Variants in PPP1R10 observed in about 807,000 individuals in gnomAD.
PPP1R10 encodes the protein serine/threonine-protein phosphatase 1 regulatory subunit 10.
In PPP1R10, 15 loss-of-function variants were observed where a neutral mutation model predicts 99.0. The ratio of observed to expected loss-of-function variants is 0.15; its 90% CI spans 0.10 to 0.23. The LOEUF is 0.23. Ranked by LOEUF, PPP1R10 falls within the 10% of genes least tolerant of loss-of-function variation. The pLI, the probability that PPP1R10 is intolerant of heterozygous loss-of-function variation, is 1.00. For missense variants in PPP1R10, 947 were observed against 1,259.4 expected, an observed-to-expected ratio of 0.75 and a Z score of 3.75; for synonymous variants, 430 against 449.5, an observed-to-expected ratio of 0.96 and a Z score of 0.55.
intron 2 of PPP1R10, among the ~76,000 whole-genome samples, chr6:30,616,051 C>G (rs1467111925): frequency 6.6e-6 from 1 of 152,190 alleles, no homozygotes; most frequent in Non-Finnish European, 1.5e-5. Flanking sequence ...GTCTCACACA[C>G]AAAGAAGTGG....
rs1339345345 is a variant in PPP1R10, at chr6:30,606,028, C to T, written c.748G>A (p.Ala250Thr). The T allele has an allele frequency of 6.2e-7, 1 of 1,614,028 alleles. No homozygotes were observed. The highest frequency in any genetic ancestry group is 8.5e-7 in the Non-Finnish European group (1 of 1,179,962). The part of the protein sequence containing the change: ...PIPLKRQSNV[A>T]APGDATPPAE... ...GGGGGAGTGGCATCTCCTGGAGCAG[C>T]TACGTTGCTGTCAGAAGAGGAACTG... is the stretch of plus-strand genomic sequence containing the variant. Residue 250 changes from alanine (A) to threonine (T), a missense_variant, in exon 10 of 20, where the codon GCT (alanine) becomes ACT (threonine). Ala to Thr is a moderately conservative substitution (Grantham distance 58, BLOSUM62 0). Transcript: ENST00000376511. The surrounding 1 kb of genome is among the most constrained non-coding windows in gnomAD (Gnocchi z 6.3).
Position 30,606,617 on chromosome 6 carries a change from T to C in PPP1R10, c.485A>G (p.Asp162Gly). 6.2e-7 allele frequency: 1 copy of C among 1,614,204 alleles called. No individual in the cohort carries two copies. Among genetic ancestry groups the C allele is most frequent in the Non-Finnish European group, 8.5e-7 (1 of 1,180,048 alleles). Residue 162 changes from aspartate to glycine, a missense_variant, in exon 8 of 20, where the codon GAT becomes GGT. By Grantham distance (94) the Asp-to-Gly change is moderately conservative. Around this residue, in one of 10 missense-constraint regions of PPP1R10, gnomAD observed 92 missense variants for 159.2 expected, o/e 0.58. Transcript: ENST00000376511. This position sits in a 1 kb window ranked among gnomAD's most constrained non-coding sequence, Gnocchi z 6.3. Reference protein sequence around the residue: ...PAEKDKKKRKDEGKSRTTLPE... With the variant: ...PAEKDKKKRKGEGKSRTTLPE... ...AAGGGTAGTTCGACTTTTTCCTTCA[T>C]CTTTACGTTTCTTCTTATCTTTCTC...
At chr6:30,617,029 T>C (rs1346862007) in intron 1 of PPP1R10, 31 bp from the exon 2 acceptor site, 3 of 152,230 alleles carry the variant, frequency 2.0e-5, no homozygotes, top group Non-Finnish European at 4.4e-5. Flanking sequence ...GGGAGAAAGA[T>C]GTAATCAGTA....
Position 30,604,212 on chromosome 6 carries a change from C to T in PPP1R10, c.1304G>A (p.Arg435Gln). 2 of 1,614,150 alleles carry T rather than the reference C, an allele frequency of 1.2e-6. No individual in the cohort carries two copies. The highest frequency in any genetic ancestry group is 1.7e-6 in the Non-Finnish European group (2 of 1,180,034). ...KIKDFGEAAK[R>Q]EILSDRHAFE... ...TGCATGTCGGTCTGACAGTATCTCTCGCTTAGCCGCCTCACCAAAGTCCTT... is the reference window on the plus strand; with the variant it reads ...TGCATGTCGGTCTGACAGTATCTCTTGCTTAGCCGCCTCACCAAAGTCCTT... The change falls in exon 14 of 20, where the codon CGA (arginine) becomes CAA (glutamine). Residue 435 changes from arginine (R) to glutamine (Q), a missense_variant. By Grantham distance (43) the Arg-to-Gln change is conservative. Coordinates refer to ENST00000376511, the MANE Select transcript of PPP1R10 (RefSeq NM_002714.4). This position sits in a 1 kb window ranked among gnomAD's most constrained non-coding sequence, Gnocchi z 7.3.
In PPP1R10 at chr6:30,602,505, G is replaced by C. The variant is rs746117238; in HGVS notation, c.2144C>G (p.Pro715Arg). ...TCGGAATGGAGGAGGAGGAGGAGGA[G>C]GTTCGTTTCCTCCTCGGCCACCTCG... The part of the protein sequence containing the change: ...RGRGGRGGNE[P>R]PPPPPPFRGA... Residue 715 changes from proline (P) to arginine (R), a missense_variant, in exon 19 of 20, where the codon CCT (proline) becomes CGT (arginine). Coordinates refer to ENST00000376511, the MANE Select transcript of PPP1R10 (RefSeq NM_002714.4). The surrounding 1 kb of genome is among the most constrained non-coding windows in gnomAD (Gnocchi z 6.7). 3.2e-6 allele frequency: 5 copies of C among 1,572,912 alleles called. No individual in the cohort carries two copies. The highest frequency in any genetic ancestry group is 4.3e-6 in the Non-Finnish European group (5 of 1,157,492).
chr6:30,611,407 A>C (rs193024232), intron 2 of PPP1R10, among the ~76,000 whole-genome samples: 35 of 152,380 alleles, frequency 2.3e-4, no homozygotes, highest in Admixed American at 5.2e-4. Context: ...GGAAGAGGCA[A>C]GAACAAAACC....
intron 2 of PPP1R10, among the ~76,000 whole-genome samples, chr6:30,614,337 G>A (rs1804863172): frequency 1.3e-5 from 2 of 151,806 alleles, no homozygotes; most frequent in South Asian, 4.1e-4. Context: ...TGTAATACCA[G>A]AAAGGTTTTG....
intron 2 of PPP1R10, among the ~76,000 whole-genome samples, chr6:30,615,337 A>G (rs1051031679): frequency 4.6e-5 from 7 of 152,006 alleles, no homozygotes; most frequent in African/African-American, 1.7e-4. Context: ...AAAATATTAA[A>G]AAGAACAATT....
At position 30,602,145 on chromosome 6, in the gene PPP1R10, G is replaced by A. The variant is rs1433072571; in HGVS notation, c.2504C>T (p.Pro835Leu). The A allele has an allele frequency of 6.2e-7, 1 of 1,609,810 alleles. No homozygotes were observed. The highest frequency in any genetic ancestry group is 8.5e-7 in the Non-Finnish European group (1 of 1,178,584). The change falls in exon 19 of 20, where the codon CCT becomes CTT. Residue 835 changes from proline (P) to leucine (L), a missense_variant. By Grantham distance (98) the Pro-to-Leu change is moderately conservative. Coordinates refer to ENST00000376511, the MANE Select transcript of PPP1R10 (RefSeq NM_002714.4). This position sits in a 1 kb window ranked among gnomAD's most constrained non-coding sequence, Gnocchi z 6.7. ...ACCACTTCCACCCATGCTTCCGCCA[G>A]GGCCTTCGTGGGGGCGATGTCCACC... ...AGGGHRPHEG[P>L]GGSMGGSGGH...
rs780908609 is a variant in PPP1R10 at position 30,608,890 on chromosome 6, T to C, written c.219A>G (p.Lys73=). The C allele has an allele frequency of 1.2e-6, 2 of 1,614,138 alleles. No individual in the cohort carries two copies. Among genetic ancestry groups the C allele is most frequent in the Non-Finnish European group, 8.5e-7 (1 of 1,180,026 alleles). The change falls in exon 5 of 20, where the codon AAA becomes AAG. Residue 73 remains lysine, a synonymous_variant. Coordinates refer to ENST00000376511, the MANE Select transcript of PPP1R10 (RefSeq NM_002714.4). ...AATACGTCAGCCAATTGTTAAGAAG[T>C]TTGTAGCCGCCAACGTCAATAAATC... ...LVKFIDVGGY[K]LLNNWLTYSK...
At position 30,604,818 on chromosome 6, in the gene PPP1R10, C is replaced by T; in HGVS notation, c.955-83G>A. 6.3e-7 allele frequency: 1 copy of T among 1,578,718 alleles called. No homozygotes were observed. The highest frequency in any genetic ancestry group is 8.7e-7 in the Non-Finnish European group (1 of 1,149,892). On this transcript the variant is annotated intron_variant, in intron 11 of 19. Coordinates refer to ENST00000376511, the MANE Select transcript of PPP1R10 (RefSeq NM_002714.4). This position sits in a 1 kb window ranked among gnomAD's most constrained non-coding sequence, Gnocchi z 7.3. ...TAGTCCAGGGTCCCAGGCACAGTCC[C>T]CCAACAGTTCCTATATAAAGGAAGA...
At chr6:30,605,851 C>G in intron 10 of PPP1R10, 72 bp downstream of exon 10, 2 of 1,349,400 alleles carry the variant, frequency 1.5e-6, no homozygotes, top group East Asian at 2.3e-5. Flanking sequence ...CAGAGTGAGA[C>G]TCTGTCTCCA....
Position 30,602,538 on chromosome 6 carries a change from T to C in PPP1R10, c.2111A>G (p.His704Arg). The C allele has an allele frequency of 6.4e-7, 1 of 1,571,336 alleles. No homozygotes were observed. Among genetic ancestry groups the C allele is most frequent in the Non-Finnish European group, 8.6e-7 (1 of 1,158,220 alleles). Residue 704 changes from histidine to arginine, a missense_variant, in exon 19 of 20, where the codon CAT becomes CGT. His to Arg is a conservative substitution (Grantham distance 29). This residue lies in a region of PPP1R10 where 525 missense variants were observed against 578.8 expected (regional missense o/e 0.91). Coordinates refer to ENST00000376511, the MANE Select transcript of PPP1R10 (RefSeq NM_002714.4). The surrounding 1 kb of genome is among the most constrained non-coding windows in gnomAD (Gnocchi z 6.7). ...GGPGPGPGPY[H>R]RGRGGRGGNE... ...TCCTCCTCGGCCACCTCGGCCTCTA[T>C]GGTATGGTCCAGGACCTGGTCCTGG...
At chr6:30,603,326 G>C (rs1803571546) in intron 16 of PPP1R10, 41 bp from the exon 17 acceptor site, 1 of 1,591,488 alleles carries the variant, frequency 6.3e-7, no homozygotes, top group African/African-American at 1.3e-5. Flanking sequence ...GACAGAAAGG[G>C]TAACAACCAT....
At position 30,603,670 on chromosome 6, in the gene PPP1R10, A is replaced by T. The variant is rs1561832338; in HGVS notation, c.1573-4T>A. Reference sequence around the variant, plus strand: ...GAGTCTCATCCATGGAACACTCCTGAAAGAAGAACAAAAAAAATCAGGATT... The same window carrying T: ...GAGTCTCATCCATGGAACACTCCTGTAAGAAGAACAAAAAAAATCAGGATT... On this transcript the variant is annotated splice_polypyrimidine_tract_variant and splice_region_variant and intron_variant, in intron 15 of 19. Transcript: ENST00000376511. 1 of 1,577,322 alleles carries T rather than the reference A, an allele frequency of 6.3e-7. No individual in the cohort carries two copies. Among genetic ancestry groups the T allele is most frequent in the East Asian group, 2.2e-5 (1 of 44,462 alleles).
intron 14 of PPP1R10, 65 bp downstream of exon 14, chr6:30,603,943 G>A: frequency 6.6e-7 from 1 of 1,525,562 alleles, no homozygotes; most frequent in Non-Finnish European, 8.8e-7. Flanking sequence ...AATTACCCCA[G>A]CTCATGTTCC....
In PPP1R10 at chr6:30,603,621, C is replaced by T. The variant is rs746318488; in HGVS notation, c.1618G>A (p.Gly540Arg). Reference sequence around the variant, plus strand: ...CCATCAGGTGAGCCACCTGACCCCCCAGGTTCCAGAGTCTCAACATACGGA... The same window carrying T: ...CCATCAGGTGAGCCACCTGACCCCCTAGGTTCCAGAGTCTCAACATACGGA... ...ETPYVETLEP[G>R]GSGGSPDGAG... Residue 540 changes from glycine to arginine, a missense_variant, in exon 16 of 20, where the codon GGG (glycine) becomes AGG (arginine). Around this residue, in one of 10 missense-constraint regions of PPP1R10, gnomAD observed 525 missense variants for 578.8 expected, o/e 0.91. Coordinates refer to ENST00000376511, the MANE Select transcript of PPP1R10 (RefSeq NM_002714.4). The T allele has an allele frequency of 6.2e-7, 1 of 1,613,418 alleles. No homozygotes were observed. Among genetic ancestry groups the T allele is most frequent in the Admixed American group, 1.7e-5 (1 of 59,792 alleles).
At chr6:30,610,204 G>A (rs1194143825) in intron 2 of PPP1R10, among the ~76,000 whole-genome samples, 1 of 152,114 alleles carries the variant, frequency 6.6e-6, no homozygotes, top group Non-Finnish European at 1.5e-5. Context: ...GGAGGAGTAG[G>A]GCAGCACACC....
chr6:30,604,936 T>C lies in PPP1R10; in HGVS notation c.954+58A>G. 1.3e-6 allele frequency: 2 copies of C among 1,577,398 alleles called. No homozygotes were observed. The highest frequency in any genetic ancestry group is 8.7e-7 in the Non-Finnish European group (1 of 1,148,144). On this transcript the variant is annotated intron_variant, in intron 11 of 19. Coordinates refer to ENST00000376511, the MANE Select transcript of PPP1R10 (RefSeq NM_002714.4). The surrounding 1 kb of genome is among the most constrained non-coding windows in gnomAD (Gnocchi z 7.3). ...CCGACAACTCCTAGCTGCTGTGCCCTTTCTTCTACTTTACCTTTTATACTC... is the reference window on the plus strand; with the variant it reads ...CCGACAACTCCTAGCTGCTGTGCCCCTTCTTCTACTTTACCTTTTATACTC...
Sources: gnomAD v4.1 joint callset for allele counts (sites outside exome capture counted in the v4.1 genomes callset) on GRCh38, gnomAD v4.1.1 for gene constraint, gnomAD v4.1.1 regional missense constraint, Gnocchi (gnomAD v3.1) non-coding constraint, MANE v1.5 for transcripts, NCBI Gene and HGNC (gene_info 2026-07-23, HGNC 2026-07-21) for gene names.